The following PDE1C variants were observed in gnomAD, a reference collection of about 807,000 sequenced individuals.
PDE1C encodes dual specificity calcium/calmodulin-dependent 3',5'-cyclic nucleotide phosphodiesterase 1C.
Under a neutral mutation model 93.1 loss-of-function variants are expected in PDE1C, and 62 were observed. The observed-to-expected ratio is 0.67, with a 90% CI of 0.54 to 0.82. The LOEUF (loss-of-function observed/expected upper bound fraction) is 0.82, where lower values mean the gene tolerates loss of function less well. Ranked by LOEUF, PDE1C falls within the 40% of genes least tolerant of loss-of-function variation. PDE1C has a pLI of 0.00. For synonymous variants in PDE1C, 325 were observed against 310.1 expected, an observed-to-expected ratio of 1.05 and a Z score of -0.50; for missense variants, 742 against 884.6, an observed-to-expected ratio of 0.84 and a Z score of 2.04.
intron 1 of PDE1C, among the ~76,000 whole-genome samples, chr7:32,325,460 T>C (rs1044616930): frequency 1.3e-5 from 2 of 152,238 alleles, no homozygotes; most frequent in Non-Finnish European, 2.9e-5. Flanking sequence ...CCACCTTATT[T>C]GAAACCACCA....
At chr7:31,637,328 G>T in the PDE1C span, among the ~76,000 whole-genome samples, 4 of 152,238 alleles carry the variant, frequency 2.6e-5, no homozygotes, top group East Asian at 7.7e-4. Context: ...TTCCACAATG[G>T]TTGAACTAGT....
intron 2 of PDE1C, among the ~76,000 whole-genome samples, chr7:32,176,733 C>A (rs189490171): frequency 5.3e-5 from 8 of 152,216 alleles, no homozygotes; most frequent in African/African-American, 1.9e-4. Context: ...AATCTTGAAC[C>A]TCCCTGAGTA....
intron 1 of PDE1C, among the ~76,000 whole-genome samples, chr7:32,332,066 G>A (rs1215488050): frequency 6.6e-6 from 1 of 152,152 alleles, no homozygotes; most frequent in East Asian, 1.9e-4. Flanking sequence ...TAAGTGCCAA[G>A]CATCCAGTTG....
intron 1 of PDE1C, among the ~76,000 whole-genome samples, chr7:32,317,350 T>A (rs1023050554): frequency 6.6e-6 from 1 of 152,130 alleles, no homozygotes; most frequent in South Asian, 2.1e-4. Context: ...ATTACACACA[T>A]GAAGATACTG....
At chr7:32,240,636 A>G (rs535792103) in intron 1 of PDE1C, among the ~76,000 whole-genome samples, 13 of 152,140 alleles carry the variant, frequency 8.5e-5, no homozygotes, top group African/African-American at 3.1e-4. Flanking sequence ...TTACTAAAAA[A>G]GGTGAGGACT....
intron 2 of PDE1C, among the ~76,000 whole-genome samples, chr7:31,923,553 C>T (rs1437741298): frequency 6.6e-6 from 1 of 152,124 alleles, no homozygotes; most frequent in South Asian, 2.1e-4. Flanking sequence ...TAGTATTATA[C>T]AAAGTTAAAA....
intron 2 of PDE1C, among the ~76,000 whole-genome samples, chr7:32,047,030 G>GA (rs1200805106): frequency 2.8e-5 from 2 of 70,400 alleles, no homozygotes; most frequent in Non-Finnish European, 5.9e-5. Flanking sequence ...TACTGAAATA[G>GA]GGGTGTGTGT....
intron 16 of PDE1C, among the ~76,000 whole-genome samples, chr7:31,792,698 T>C (rs939284582): frequency 3.3e-5 from 5 of 152,082 alleles, no homozygotes; most frequent in African/African-American, 1.2e-4. Context: ...CATTGTGTTC[T>C]GGTTTTATGT....
intron 3 of PDE1C, among the ~76,000 whole-genome samples, chr7:32,078,787 TGTG>T (rs746927899): frequency 3.4e-4 from 51 of 152,002 alleles, no homozygotes; most frequent in Non-Finnish European, 5.9e-4. Context: ...ATTAGCCAGG[TGTG>T]GTGGTGCACA....
intron 2 of PDE1C, among the ~76,000 whole-genome samples, chr7:32,189,202 G>A (rs1388829628): frequency 6.6e-6 from 1 of 152,154 alleles, no homozygotes. Context: ...GTTCAGCAGA[G>A]TAAAGATGTA....
intron 1 of PDE1C, among the ~76,000 whole-genome samples, chr7:32,305,016 C>G (rs1812964272): frequency 6.6e-6 from 1 of 152,092 alleles, no homozygotes; most frequent in African/African-American, 2.4e-5. Context: ...GCCTAAGGCC[C>G]AAAAGTATCA....
chr7:32,243,370 C>CA, intron 1 of PDE1C, among the ~76,000 whole-genome samples: 1 of 152,258 alleles, frequency 6.6e-6, no homozygotes, highest in Non-Finnish European at 1.5e-5. Context: ...TAGAGATCAG[C>CA]AGCTTGGGGT....
At chr7:32,378,727 T>A (rs570465111) in intron 1 of PDE1C, among the ~76,000 whole-genome samples, 39 of 152,232 alleles carry the variant, frequency 2.6e-4, no homozygotes, top group Admixed American at 2.0e-3. Flanking sequence ...GGAGGATCAT[T>A]TCCCACATCC....
chr7:31,725,134 C>T, the PDE1C span, among the ~76,000 whole-genome samples: 7 of 152,086 alleles, frequency 4.6e-5, no homozygotes, highest in Non-Finnish European at 5.9e-5. Context: ...CAGCAACACC[C>T]GCCACCTTGC....
chr7:32,122,819 G>A (rs1461822831), intron 3 of PDE1C, among the ~76,000 whole-genome samples: 3 of 152,114 alleles, frequency 2.0e-5, no homozygotes, highest in Non-Finnish European at 2.9e-5. Flanking sequence ...AGAAGCAAGA[G>A]CAAACTAATC....
chr7:32,182,518 C>T (rs1426989760), intron 2 of PDE1C, among the ~76,000 whole-genome samples: 1 of 152,170 alleles, frequency 6.6e-6, no homozygotes, highest in Non-Finnish European at 1.5e-5. Flanking sequence ...TAAACGTAAT[C>T]CAGCACATAA....
chr7:32,011,935 A>G (rs1047920880), intron 2 of PDE1C, among the ~76,000 whole-genome samples: 1 of 152,224 alleles, frequency 6.6e-6, no homozygotes, highest in Non-Finnish European at 1.5e-5. Flanking sequence ...AATGCCAGCC[A>G]ACAGTGAATA....
chr7:32,072,475 G>T (rs1584702225), upstream of PDE1C, among the ~76,000 whole-genome samples: 1 of 152,154 alleles, frequency 6.6e-6, no homozygotes, highest in East Asian at 1.9e-4. Context: ...AGTGCCCTGG[G>T]GAAATAGAAT....
intron 3 of PDE1C, among the ~76,000 whole-genome samples, chr7:32,118,152 G>A (rs1024267796): frequency 4.6e-5 from 7 of 152,186 alleles, no homozygotes; most frequent in African/African-American, 1.4e-4. Context: ...ACATGGCATC[G>A]CCATGGTTAA....
Sources: gnomAD v4.1 joint callset for allele counts (sites outside exome capture counted in the v4.1 genomes callset) on GRCh38, gnomAD v4.1.1 for gene constraint, MANE v1.5 for transcripts, NCBI Gene and HGNC (gene_info 2026-07-23, HGNC 2026-07-21) for gene names.